Variants in ATP8A2 observed in about 807,000 individuals in gnomAD.
The protein encoded by ATP8A2 is phospholipid-transporting ATPase IB.
ATP8A2 carries 100 observed loss-of-function variants against 165.6 expected under a neutral mutation model. The observed-to-expected ratio is 0.60, with a 90% CI of 0.51 to 0.71. The LOEUF is 0.71. Ranked by LOEUF, ATP8A2 falls within the 30% of genes least tolerant of loss-of-function variation. The pLI is 0.00. For missense variants in ATP8A2, 1,227 were observed against 1,479.5 expected, an observed-to-expected ratio of 0.83 and a Z score of 2.80; for synonymous variants, 543 against 548.8, an observed-to-expected ratio of 0.99 and a Z score of 0.15.
intron 24 of ATP8A2, among the ~76,000 whole-genome samples, chr13:25,617,166 A>G (rs1478722786): frequency 2.0e-5 from 3 of 152,248 alleles, no homozygotes; most frequent in Non-Finnish European, 4.4e-5. Flanking sequence ...CTGCACTTGC[A>G]TGAAAACAAC....
chr13:25,753,065 C>T (rs1593295051), intron 25 of ATP8A2, among the ~76,000 whole-genome samples: 1 of 152,284 alleles, frequency 6.6e-6, no homozygotes, highest in Non-Finnish European at 1.5e-5. Flanking sequence ...CCTCGGTCTC[C>T]TTCAGCAAGC....
intron 9 of ATP8A2, among the ~76,000 whole-genome samples, chr13:25,542,400 T>G (rs2137997794): frequency 6.6e-6 from 1 of 151,848 alleles, no homozygotes; most frequent in East Asian, 1.9e-4. Flanking sequence ...TTTTTTTTTT[T>G]GCTAACCACC....
At chr13:25,555,655 G>A (rs112762821) in intron 13 of ATP8A2, among the ~76,000 whole-genome samples, 1 of 28,692 alleles carries the variant, frequency 3.5e-5, no homozygotes, top group Non-Finnish European at 1.1e-4. Context: ...TTTTAGATTC[G>A]GGGGTAAATG....
chr13:25,396,044 A>G (rs930983509), intron 1 of ATP8A2, among the ~76,000 whole-genome samples: 7 of 152,076 alleles, frequency 4.6e-5, no homozygotes, highest in Non-Finnish European at 5.9e-5. Context: ...GGGTTTCACC[A>G]TGTTGGCCAG....
chr13:25,537,081 G>T (rs1297959044), intron 6 of ATP8A2, among the ~76,000 whole-genome samples: 1 of 152,190 alleles, frequency 6.6e-6, no homozygotes, highest in Non-Finnish European at 1.5e-5. Flanking sequence ...GTTACTGAAA[G>T]GATTGGTAGA....
intron 25 of ATP8A2, among the ~76,000 whole-genome samples, chr13:25,741,908 C>T (rs1593279477): frequency 6.6e-6 from 1 of 152,294 alleles, no homozygotes; most frequent in East Asian, 1.9e-4. Flanking sequence ...GCCACTCCTC[C>T]CTTTGACATC....
At chr13:25,889,086 C>CAA (rs1447955782) in intron 33 of ATP8A2, among the ~76,000 whole-genome samples, 5 of 151,868 alleles carry the variant, frequency 3.3e-5, no homozygotes, top group African/African-American at 1.2e-4. Flanking sequence ...ACATTCTCCA[C>CAA]AAAAGATTTC....
intron 24 of ATP8A2, among the ~76,000 whole-genome samples, chr13:25,675,311 C>A (rs774157588): frequency 6.6e-6 from 1 of 152,204 alleles, no homozygotes; most frequent in African/African-American, 2.4e-5. Flanking sequence ...AGTTGTCAAT[C>A]TTTAAGTGCT....
intron 25 of ATP8A2, among the ~76,000 whole-genome samples, chr13:25,711,349 A>G (rs1333813307): frequency 6.6e-6 from 1 of 152,100 alleles, no homozygotes; most frequent in Non-Finnish European, 1.5e-5. Context: ...TGAACTCTGG[A>G]GTCCATGCTG....
At chr13:25,809,733 C>G (rs1950820062) in intron 27 of ATP8A2, among the ~76,000 whole-genome samples, 1 of 152,130 alleles carries the variant, frequency 6.6e-6, no homozygotes, top group Admixed American at 6.6e-5. Flanking sequence ...TTCTGTATTA[C>G]TTGTGTCCTC....
intron 33 of ATP8A2, among the ~76,000 whole-genome samples, chr13:25,937,338 G>C (rs376474806): frequency 5.1e-4 from 23 of 44,696 alleles, no homozygotes; most frequent in African/African-American, 1.3e-3. Context: ...TATTTTTTTT[G>C]CTTTGTCTTT....
chr13:25,582,011 A>G (rs2039791286), intron 23 of ATP8A2, 54 bp downstream of exon 23: 1 of 1,506,816 alleles, frequency 6.6e-7, no homozygotes, highest in Non-Finnish European at 9.1e-7. Context: ...TTGTTTTTCA[A>G]GTATCTTTTA....
chr13:25,943,215 G>A (rs1230515022), intron 33 of ATP8A2, among the ~76,000 whole-genome samples: 2 of 152,132 alleles, frequency 1.3e-5, no homozygotes, highest in Non-Finnish European at 2.9e-5. Flanking sequence ...GGATAGTTCA[G>A]CCGTTGCAAG....
intron 25 of ATP8A2, among the ~76,000 whole-genome samples, chr13:25,737,965 T>C (rs1434866867): frequency 6.6e-6 from 1 of 152,188 alleles, no homozygotes; most frequent in Non-Finnish European, 1.5e-5. Context: ...ATTACAGGCG[T>C]GAGCCATCAC....
At chr13:25,482,724 G>A (rs946836927) in intron 2 of ATP8A2, among the ~76,000 whole-genome samples, 19 of 152,268 alleles carry the variant, frequency 1.2e-4, no homozygotes, top group Admixed American at 5.2e-4. Context: ...TACTATTCTC[G>A]TGGTAGTGAA....
chr13:25,839,631 G>T lies in ATP8A2; in HGVS notation c.2956+7G>T, dbSNP rs761839875. On this transcript the variant is annotated splice_region_variant and intron_variant, in intron 30 of 36. Transcript: ENST00000381655. ...ATGAAAGCTCTGGAGCATGGTAAGG[G>T]CTGTGTGATTTCACCTGTCAGCAAG... 6 of 1,612,136 alleles carry T rather than the reference G, an allele frequency of 3.7e-6. No individual in the cohort carries two copies. The highest frequency in any genetic ancestry group is 2.2e-5 in the East Asian group (1 of 44,874).
chr13:25,665,767 T>C (rs1415825456), intron 24 of ATP8A2, among the ~76,000 whole-genome samples: 7 of 151,960 alleles, frequency 4.6e-5, no homozygotes, highest in African/African-American at 1.7e-4. Context: ...CAGGCTGGAC[T>C]TGAACTCCTG....
intron 35 of ATP8A2, among the ~76,000 whole-genome samples, chr13:26,002,767 T>G (rs1956656751): frequency 1.3e-5 from 2 of 152,074 alleles, no homozygotes; most frequent in Non-Finnish European, 2.9e-5. Context: ...CCGGTTTATT[T>G]CATTTAGCAT....
In ATP8A2 at chr13:25,964,297, T is replaced by C. The variant is rs572583160; in HGVS notation, c.3272+2634T>C. The stretch of plus-strand genomic sequence containing the variant: ...AAGCACATATATGCTCAATTTGTAA[T>C]ATCTATTTAATATCTAAACTACCCT... On this transcript the variant is annotated intron_variant, in intron 34 of 36. Transcript: ENST00000381655. Among the ~76,000 whole-genome samples the C allele has an allele frequency of 3.3e-4, 50 of 152,352 alleles. 2 individuals carry two copies. The South Asian group carries it at 9.9e-3, about 30-fold the overall frequency.
Sources: allele counts gnomAD v4.1 joint callset (sites outside exome capture counted in the v4.1 genomes callset), GRCh38; gene constraint gnomAD v4.1.1; transcripts MANE v1.5; gene names NCBI Gene and HGNC (gene_info 2026-07-23, HGNC 2026-07-21).